Variants in ZNF365 observed in about 807,000 individuals in gnomAD.
The protein encoded by ZNF365 is zinc finger protein 365.
Under a neutral mutation model 35.0 loss-of-function variants are expected in ZNF365, and 22 were observed. The observed-to-expected ratio is 0.63, with a 90% confidence interval of 0.45 to 0.90. ZNF365 has a LOEUF of 0.90. ZNF365 is among the 40% of genes least tolerant of loss of function. ZNF365 has a pLI of 0.00. For missense variants in ZNF365, 448 were observed against 500.3 expected (o/e 0.90, Z 1.00); for synonymous variants, 188 against 196.2 (o/e 0.96, Z 0.35).
At chr10:62,446,366 T>C (rs1840589344) in intron 3 of ZNF365, among the ~76,000 whole-genome samples, 1 of 152,194 alleles carries the variant, frequency 6.6e-6, no homozygotes, top group Non-Finnish European at 1.5e-5. Context: ...AACTTCTGTA[T>C]GCCCCAATTT....
chr10:62,408,363 A>C (rs1176635348), intron 3 of ZNF365, among the ~76,000 whole-genome samples: 1 of 152,192 alleles, frequency 6.6e-6, no homozygotes, highest in Non-Finnish European at 1.5e-5. Flanking sequence ...GGTGGTAAAG[A>C]ACTGACTATA....
intron 4 of ZNF365, among the ~76,000 whole-genome samples, chr10:62,461,841 C>T (rs1237768845): frequency 6.6e-6 from 1 of 152,196 alleles, no homozygotes; most frequent in African/African-American, 2.4e-5. Flanking sequence ...CCTAAAATAT[C>T]TGCATTCTCT....
chr10:62,448,804 T>C (rs1840632418), intron 3 of ZNF365, among the ~76,000 whole-genome samples: 1 of 152,158 alleles, frequency 6.6e-6, no homozygotes, highest in Non-Finnish European at 1.5e-5. Context: ...GATACTAGCA[T>C]CTTTATTCAA....
At chr10:62,418,898 G>GTATAATCT in intron 3 of ZNF365, among the ~76,000 whole-genome samples, 1 of 151,260 alleles carries the variant, frequency 6.6e-6, no homozygotes, top group East Asian at 1.9e-4. Flanking sequence ...TGCCAATGTG[G>GTATAATCT]TGTGATGACT....
At chr10:62,388,677 C>G in intron 3 of ZNF365, 101 bp downstream of exon 3, 2 of 1,373,606 alleles carry the variant, frequency 1.5e-6, no homozygotes, top group Non-Finnish European at 2.0e-6. Flanking sequence ...CAGGGACTCT[C>G]TAGACATCAT....
chr10:62,386,471 A>G (rs949185852), intron 2 of ZNF365, among the ~76,000 whole-genome samples: 1 of 152,222 alleles, frequency 6.6e-6, no homozygotes, highest in African/African-American at 2.4e-5. Flanking sequence ...TTGGGAAACT[A>G]GAAAAAACAG....
At chr10:62,474,351 T>C (rs949279136) in intron 4 of ZNF365, among the ~76,000 whole-genome samples, 7 of 152,176 alleles carry the variant, frequency 4.6e-5, no homozygotes, top group African/African-American at 1.7e-4. Context: ...CTGGATGGAG[T>C]TGCTGAAATT....
At chr10:62,435,301 G>A (rs968174643) in intron 3 of ZNF365, among the ~76,000 whole-genome samples, 86 of 152,244 alleles carry the variant, frequency 5.6e-4, no homozygotes, top group African/African-American at 1.7e-3. Flanking sequence ...CCAGCACCCA[G>A]GTCTAGCGTT....
At chr10:62,439,955 G>A (rs774444586) in intron 3 of ZNF365, among the ~76,000 whole-genome samples, 2 of 152,092 alleles carry the variant, frequency 1.3e-5, no homozygotes, top group African/African-American at 4.8e-5. Flanking sequence ...ATAAACATGT[G>A]CAATCTGCAT....
At chr10:62,380,500 G>A (rs1476886206) in intron 2 of ZNF365, among the ~76,000 whole-genome samples, 2 of 152,352 alleles carry the variant, frequency 1.3e-5, no homozygotes, top group Middle Eastern at 3.4e-3. Flanking sequence ...GGAGTTAAGT[G>A]TTTGGAGAGT....
downstream of ZNF365, among the ~76,000 whole-genome samples, chr10:62,403,890 G>A (rs1839868132): frequency 6.6e-6 from 1 of 152,186 alleles, no homozygotes; most frequent in South Asian, 2.1e-4. Context: ...TCCAGGGGTG[G>A]CATGCCTGCA....
intron 2 of ZNF365, among the ~76,000 whole-genome samples, chr10:62,378,746 C>T (rs1383795874): frequency 6.6e-6 from 1 of 152,170 alleles, no homozygotes; most frequent in Non-Finnish European, 1.5e-5. Flanking sequence ...AATTGTGACA[C>T]ATACTGTTCT....
At chr10:62,452,742 T>C (rs1026033556) in intron 3 of ZNF365, among the ~76,000 whole-genome samples, 3 of 152,268 alleles carry the variant, frequency 2.0e-5, no homozygotes, top group Non-Finnish European at 2.9e-5. Context: ...ACTCTAGGAA[T>C]AAGTTTTTAT....
chr10:62,388,319 C>G (rs1225200707), intron 2 of ZNF365, 77 bp from the exon 3 acceptor site: 1 of 1,543,444 alleles, frequency 6.5e-7, no homozygotes, highest in East Asian at 2.3e-5. Context: ...ATAGTAGGCA[C>G]TCAATAAATA....
At chr10:62,410,224 A>G (rs1272774230) in intron 3 of ZNF365, among the ~76,000 whole-genome samples, 1 of 152,176 alleles carries the variant, frequency 6.6e-6, no homozygotes, top group African/African-American at 2.4e-5. Context: ...CAAAGAACCA[A>G]TAAATTGGTT....
chr10:62,407,495 A>G (rs894057995), intron 3 of ZNF365, among the ~76,000 whole-genome samples: 2 of 152,072 alleles, frequency 1.3e-5, no homozygotes, highest in South Asian at 2.1e-4. Context: ...TCTTAGGAAA[A>G]CTTTTGACTT....
At chr10:62,445,080 C>G (rs574562727) in intron 3 of ZNF365, among the ~76,000 whole-genome samples, 1 of 151,668 alleles carries the variant, frequency 6.6e-6, no homozygotes, top group East Asian at 1.9e-4. Flanking sequence ...CCAATTTCAT[C>G]CATGTCCCTA....
intron 3 of ZNF365, among the ~76,000 whole-genome samples, chr10:62,396,132 C>G (rs1046073979): frequency 5.9e-5 from 9 of 152,182 alleles, no homozygotes; most frequent in African/African-American, 2.2e-4. Context: ...TGATGATAAG[C>G]CCTGGCCTCC....
chr10:62,391,413 G>A lies in ZNF365; in HGVS notation c.924+2837G>A, dbSNP rs112434582. ...CCTTTCCTCCTCCACCCCCTCCCCC[G>A]AGTCCTCAAAGTCCATTGTATCATT... On this transcript the variant is annotated intron_variant, in intron 3 of 4. Transcript: ENST00000395254. Among the ~76,000 whole-genome samples, 1,418 of 150,704 alleles carry A rather than the reference G, an allele frequency of 9.4e-3. 23 individuals carry two copies. Among genetic ancestry groups the A allele is most frequent in the African/African-American group, 0.032 (1,314 of 41,054 alleles).
Sources: allele counts gnomAD v4.1 joint callset (sites outside exome capture counted in the v4.1 genomes callset), GRCh38; gene constraint gnomAD v4.1.1; transcripts MANE v1.5; gene names NCBI Gene and HGNC (gene_info 2026-07-23, HGNC 2026-07-21).